The following C1orf87 variants were observed in gnomAD, a reference collection of about 807,000 sequenced individuals.
C1orf87 encodes the protein uncharacterized protein C1orf87.
Under a neutral mutation model 60.5 loss-of-function variants are expected in C1orf87, and 58 were observed. That is an observed-to-expected ratio of 0.96 (90% confidence interval 0.78 to 1.19). The LOEUF is 1.19. Among genes scored for constraint, C1orf87 ranks in the 50% most tolerant of loss-of-function variants. The pLI, the probability that C1orf87 is intolerant of heterozygous loss-of-function variation, is 0.00. For synonymous variants in C1orf87, 236 were observed against 227.4 expected (o/e 1.04, Z -0.34); for missense variants, 673 against 638.6 (o/e 1.05, Z -0.58).
At chr1:60,055,138 C>A in intron 3 of C1orf87, 66 bp downstream of exon 3, 1 of 1,347,784 alleles carries the variant, frequency 7.4e-7, no homozygotes. Flanking sequence ...TTGTGTGAAC[C>A]TATGTTTTTA....
At chr1:60,038,199 C>A in intron 5 of C1orf87, 92 bp from the exon 6 acceptor site, 1 of 602,870 alleles carries the variant, frequency 1.7e-6, no homozygotes, top group Non-Finnish European at 2.7e-6. Context: ...CAAATTTTTA[C>A]CATCAAACAT....
At chr1:60,008,865 C>A (rs981298531) in intron 9 of C1orf87, 3 of 346,512 alleles carry the variant, frequency 8.7e-6, no homozygotes, top group Non-Finnish European at 1.1e-5. Flanking sequence ...CCTCTGAAAT[C>A]CTTCCTCCAG....
At chr1:59,996,387 C>T (rs1415946999) in intron 11 of C1orf87, among the ~76,000 whole-genome samples, 6 of 152,080 alleles carry the variant, frequency 3.9e-5, no homozygotes, top group Non-Finnish European at 8.8e-5. Context: ...CCTTATTTCA[C>T]TTTCTCCTTC....
intron 10 of C1orf87, among the ~76,000 whole-genome samples, chr1:59,998,416 A>AGAAAGAAATACCTCTGGG (rs1280589838): frequency 6.6e-6 from 1 of 151,876 alleles, no homozygotes; most frequent in Admixed American, 6.6e-5. Flanking sequence ...AGGCTAGCTC[A>AGAAAGAAATACCTCTGGG]TCTTAGTATC....
At chr1:60,044,865 C>T (rs1645354536) in intron 3 of C1orf87, among the ~76,000 whole-genome samples, 1 of 152,124 alleles carries the variant, frequency 6.6e-6, no homozygotes, top group South Asian at 2.1e-4. Context: ...GGACCAACAC[C>T]ATAGCCTGAA....
chr1:60,067,244 T>A (rs1214467323), intron 2 of C1orf87, among the ~76,000 whole-genome samples: 1 of 152,204 alleles, frequency 6.6e-6, no homozygotes, highest in Non-Finnish European at 1.5e-5. Flanking sequence ...CACCACACTG[T>A]CTTCCACAAT....
chr1:60,072,202 C>T (rs1645588488), intron 2 of C1orf87, among the ~76,000 whole-genome samples: 1 of 152,160 alleles, frequency 6.6e-6, no homozygotes, highest in African/African-American at 2.4e-5. Context: ...CTCCCCCACT[C>T]TCCCCAAAAT....
intron 8 of C1orf87, among the ~76,000 whole-genome samples, chr1:60,022,655 T>G (rs1240029785): frequency 6.6e-6 from 1 of 152,166 alleles, no homozygotes; most frequent in African/African-American, 2.4e-5. Context: ...AGCATACATT[T>G]TTTTTCCCTC....
chr1:60,008,105 A>G (rs951246353), intron 9 of C1orf87, among the ~76,000 whole-genome samples: 5 of 152,080 alleles, frequency 3.3e-5, no homozygotes, highest in Admixed American at 1.3e-4. Context: ...TTGACTAAGT[A>G]AATAAGCAGT....
chr1:60,057,692 T>G (rs1481674003), intron 2 of C1orf87, among the ~76,000 whole-genome samples: 2 of 152,186 alleles, frequency 1.3e-5, no homozygotes, highest in South Asian at 4.1e-4. Context: ...TTGATCAAAT[T>G]GCTGACAGCT....
chr1:60,054,754 G>T (rs1249253185), intron 3 of C1orf87, among the ~76,000 whole-genome samples: 1 of 152,120 alleles, frequency 6.6e-6, no homozygotes, highest in Non-Finnish European at 1.5e-5. Context: ...GAGTGCAGTG[G>T]TATATATTTC....
intron 11 of C1orf87, among the ~76,000 whole-genome samples, chr1:59,995,778 C>A (rs1353555195): frequency 6.6e-6 from 1 of 152,242 alleles, no homozygotes; most frequent in East Asian, 1.9e-4. Context: ...CCCACCTCAG[C>A]CTCCCAAAGT....
At chr1:60,031,439 G>T (rs1645237333) in intron 7 of C1orf87, among the ~76,000 whole-genome samples, 1 of 152,116 alleles carries the variant, frequency 6.6e-6, no homozygotes, top group South Asian at 2.1e-4. Flanking sequence ...GACGGCTGTG[G>T]GGAGAAGAAC....
intron 8 of C1orf87, among the ~76,000 whole-genome samples, chr1:60,023,267 T>C (rs1645176035): frequency 1.3e-5 from 2 of 152,182 alleles, no homozygotes; most frequent in South Asian, 4.1e-4. Flanking sequence ...AGCTATTATT[T>C]GTTCAACATA....
chr1:60,003,690 A>G (rs1231361227), intron 9 of C1orf87, among the ~76,000 whole-genome samples: 1 of 152,088 alleles, frequency 6.6e-6, no homozygotes, highest in Non-Finnish European at 1.5e-5. Context: ...AAGACATGTG[A>G]TTTCATAACC....
chr1:60,050,590 T>G (rs1264667855), intron 3 of C1orf87, among the ~76,000 whole-genome samples: 1 of 149,180 alleles, frequency 6.7e-6, no homozygotes, highest in Non-Finnish European at 1.5e-5. Context: ...ACTCTGAAAA[T>G]AGTTTTACCT....
At chr1:60,061,257 A>G (rs1212885132) in intron 2 of C1orf87, among the ~76,000 whole-genome samples, 2 of 152,184 alleles carry the variant, frequency 1.3e-5, no homozygotes, top group African/African-American at 4.8e-5. Context: ...AGCTGGCGAA[A>G]CTAAAGGTGG....
At chr1:60,039,624 G>A (rs1645304336) in intron 5 of C1orf87, among the ~76,000 whole-genome samples, 1 of 152,176 alleles carries the variant, frequency 6.6e-6, no homozygotes, top group Admixed American at 6.5e-5. Context: ...GAATGGACTT[G>A]CGTGGGCCCA....
At chr1:60,035,272 G>A (rs565604692) in intron 6 of C1orf87, among the ~76,000 whole-genome samples, 1 of 152,318 alleles carries the variant, frequency 6.6e-6, no homozygotes, top group South Asian at 2.1e-4. Flanking sequence ...TGCAAGGACA[G>A]TTTCTGGGGA....
Sources: allele counts gnomAD v4.1 joint callset (sites outside exome capture counted in the v4.1 genomes callset), GRCh38; gene constraint gnomAD v4.1.1; transcripts MANE v1.5; gene names NCBI Gene and HGNC (gene_info 2026-07-23, HGNC 2026-07-21).